TTLL5: variants seen among roughly 807,000 people sequenced by gnomAD.
TTLL5 encodes tubulin tyrosine ligase like 5, also known as tubulin polyglutamylase TTLL5.
TTLL5 carries 132 observed loss-of-function variants against 168.4 expected under a neutral mutation model. That is an observed-to-expected ratio of 0.78 (90% CI 0.68 to 0.91). The LOEUF is 0.91. Among genes scored for constraint, TTLL5 ranks in the 40% least tolerant of loss-of-function variants. The pLI is 0.00. For missense variants in TTLL5, 1,545 were observed against 1,581.5 expected, an observed-to-expected ratio of 0.98 and a Z score of 0.39; for synonymous variants, 546 against 558.6, an observed-to-expected ratio of 0.98 and a Z score of 0.32.
intron 9 of TTLL5, among the ~76,000 whole-genome samples, chr14:75,708,875 A>G (rs1886842701): frequency 6.6e-6 from 1 of 152,192 alleles, no homozygotes; most frequent in South Asian, 2.1e-4. Context: ...GATATAGAGC[A>G]GGGGTGTCCA....
chr14:75,928,342 C>CATATATATAT (rs3034073), intron 31 of TTLL5, among the ~76,000 whole-genome samples: 5,287 of 81,740 alleles, frequency 0.065, 491 homozygotes, highest in Middle Eastern at 0.11. Flanking sequence ...ATGACAAAAA[C>CATATATATAT]ATATATATAT....
chr14:75,818,944 T>G (rs1192151042), intron 27 of TTLL5, among the ~76,000 whole-genome samples: 1 of 152,222 alleles, frequency 6.6e-6, no homozygotes, highest in Non-Finnish European at 1.5e-5. Flanking sequence ...ATGTAGTGAG[T>G]AAGAAAATGG....
At chr14:75,698,402 T>G (rs1886017618) in intron 6 of TTLL5, among the ~76,000 whole-genome samples, 1 of 152,122 alleles carries the variant, frequency 6.6e-6, no homozygotes. Flanking sequence ...ATTGCTTGAT[T>G]TACAGTGAAT....
chr14:75,885,938 A>G (rs1423253929), intron 30 of TTLL5, among the ~76,000 whole-genome samples: 3 of 152,212 alleles, frequency 2.0e-5, no homozygotes, highest in Non-Finnish European at 4.4e-5. Flanking sequence ...TAAATTTTTT[A>G]CTTTCTTCCT....
At chr14:75,701,624 CT>C (rs1170891340) in intron 7 of TTLL5, among the ~76,000 whole-genome samples, 3 of 152,204 alleles carry the variant, frequency 2.0e-5, no homozygotes, top group Non-Finnish European at 4.4e-5. Context: ...AGCTACCTTT[CT>C]TTTCCTTTTT....
chr14:75,927,102 G>GT (rs1263001744), intron 31 of TTLL5, among the ~76,000 whole-genome samples: 1 of 152,096 alleles, frequency 6.6e-6, no homozygotes, highest in Non-Finnish European at 1.5e-5. Flanking sequence ...TTGTGTTTTT[G>GT]TTTTTGTTTT....
intron 30 of TTLL5, chr14:75,887,239 A>G (rs2032168960): frequency 2.0e-6 from 2 of 987,640 alleles, no homozygotes; most frequent in Non-Finnish European, 2.4e-6. Context: ...GGTCAGCCGT[A>G]TGATGAAAGA....
intron 28 of TTLL5, among the ~76,000 whole-genome samples, chr14:75,862,119 G>A (rs907460055): frequency 2.0e-5 from 3 of 152,134 alleles, no homozygotes; most frequent in East Asian, 1.9e-4. Context: ...TTGTTCTTTC[G>A]TGACTGACTT....
At chr14:75,704,518 G>A (rs1199637380) in intron 7 of TTLL5, among the ~76,000 whole-genome samples, 5 of 152,186 alleles carry the variant, frequency 3.3e-5, no homozygotes, top group Non-Finnish European at 7.3e-5. Flanking sequence ...CAGCCTGGGC[G>A]AAGAAATGAG....
chr14:75,739,461 G>A (rs1889114691), intron 15 of TTLL5, among the ~76,000 whole-genome samples: 1 of 151,824 alleles, frequency 6.6e-6, no homozygotes, highest in South Asian at 2.1e-4. Context: ...TTCTTTTTCT[G>A]TTGCTGTCAG....
At chr14:75,737,450 T>A (rs1888981398) in intron 15 of TTLL5, 1 of 1,014,992 alleles carries the variant, frequency 9.9e-7, no homozygotes, top group African/African-American at 1.6e-5. Context: ...GGCTCTTGCT[T>A]TTGGTTTCTG....
At chr14:75,750,631 G>A (rs1889891896) in intron 17 of TTLL5, among the ~76,000 whole-genome samples, 1 of 151,940 alleles carries the variant, frequency 6.6e-6, no homozygotes, top group Non-Finnish European at 1.5e-5. Flanking sequence ...TAGGCTATTA[G>A]TAATTAACTT....
At chr14:75,697,391 A>T (rs983560285) in intron 6 of TTLL5, among the ~76,000 whole-genome samples, 11 of 152,202 alleles carry the variant, frequency 7.2e-5, no homozygotes, top group African/African-American at 2.4e-4. Flanking sequence ...TAGAGGTAGA[A>T]TTGCTCACAG....
chr14:75,752,913 C>A lies in TTLL5; in HGVS notation c.1508C>A (p.Thr503Asn). The change falls in exon 18 of 32, where the codon ACC becomes AAC. Residue 503 changes from threonine (T) to asparagine (N), a missense_variant. Thr to Asn is a moderately conservative substitution (Grantham distance 65, BLOSUM62 0). Coordinates refer to ENST00000298832, the MANE Select transcript of TTLL5 (RefSeq NM_015072.5). The part of the protein sequence containing the change: ...EIYGSYLEHK[T>N]SMNYMLATRL... The stretch of plus-strand genomic sequence containing the variant: ...TTCAGGTCCTACCTCGAGCATAAGA[C>A]CTCAATGAACTATATGCTGGCAACA... 6.2e-7 allele frequency: 1 copy of A among 1,613,472 alleles called. No individual in the cohort carries two copies. The highest frequency in any genetic ancestry group is 8.5e-7 in the Non-Finnish European group (1 of 1,179,680).
intron 28 of TTLL5, among the ~76,000 whole-genome samples, chr14:75,851,082 T>A (rs1896824479): frequency 8.8e-6 from 1 of 113,152 alleles, no homozygotes. Context: ...AGTGACAGAG[T>A]GAGACCTTGT....
intron 27 of TTLL5, among the ~76,000 whole-genome samples, chr14:75,817,830 C>CTTTTTTTTT (rs1045988787): frequency 1.5e-3 from 125 of 83,874 alleles, no homozygotes; most frequent in African/African-American, 2.4e-3. Context: ...CTTTTCTTTT[C>CTTTTTTTTT]TTTTTTTTTT....
chr14:75,889,553 C>T (rs943056459), intron 30 of TTLL5, among the ~76,000 whole-genome samples: 7 of 152,130 alleles, frequency 4.6e-5, no homozygotes, highest in East Asian at 3.9e-4. Context: ...AGGCTGGGTG[C>T]GGTGCCTCAC....
chr14:75,906,078 G>C (rs2033135529), intron 31 of TTLL5, among the ~76,000 whole-genome samples: 1 of 152,192 alleles, frequency 6.6e-6, no homozygotes, highest in Admixed American at 6.5e-5. Flanking sequence ...GTGTGACTCT[G>C]ACTGCCCACT....
chr14:75,762,614 C>G (rs1020662900), intron 18 of TTLL5, among the ~76,000 whole-genome samples: 1 of 152,040 alleles, frequency 6.6e-6, no homozygotes, highest in Non-Finnish European at 1.5e-5. Context: ...TTATCAGATT[C>G]ATATTTTACC....
Sources: gnomAD v4.1 joint callset for allele counts (sites outside exome capture counted in the v4.1 genomes callset) on GRCh38, gnomAD v4.1.1 for gene constraint, MANE v1.5 for transcripts, NCBI Gene and HGNC (gene_info 2026-07-23, HGNC 2026-07-21) for gene names.